The following RARB variants were observed in gnomAD, a reference collection of about 807,000 sequenced individuals.
RARB encodes the protein HBV-activated protein.
A neutral mutation model predicts 51.9 loss-of-function variants in RARB; 17 were observed. That is an observed-to-expected ratio of 0.33 (90% confidence interval 0.22 to 0.49). RARB has a LOEUF of 0.49. Ranked by LOEUF, RARB falls within the 20% of genes least tolerant of loss-of-function variation. The pLI, the probability that RARB is intolerant of heterozygous loss-of-function variation, is 0.99. For missense variants in RARB, 369 were observed against 550.8 expected, an observed-to-expected ratio of 0.67 and a Z score of 3.30; for synonymous variants, 215 against 195.4, an observed-to-expected ratio of 1.10 and a Z score of -0.84.
At position 25,553,328 on chromosome 3, in the gene RARB, A is replaced by C. The variant is rs1333043793; in HGVS notation, c.449-16430A>C. Reference sequence around the variant, plus strand: ...GCATACTCTTCACCACCCCTCAAGGAATGATTGACAGGGGAGCAGAGAACT... The same window carrying C: ...GCATACTCTTCACCACCCCTCAAGGCATGATTGACAGGGGAGCAGAGAACT... On this transcript the variant is annotated intron_variant, in intron 3 of 7. Transcript: ENST00000330688. Among the ~76,000 whole-genome samples, 3 of 152,180 alleles carry C rather than the reference A, an allele frequency of 2.0e-5. No individual in the cohort carries two copies. In the East Asian group the frequency reaches 5.8e-4, roughly 29 times the overall value.
At chr3:25,550,817 C>T (rs1335242487) in intron 3 of RARB, among the ~76,000 whole-genome samples, 1 of 152,154 alleles carries the variant, frequency 6.6e-6, no homozygotes, top group African/African-American at 2.4e-5. Context: ...TCAGCTCCCA[C>T]TTATAAGTGA....
At chr3:25,030,922 GTC>G (rs1697860451) in intron 2 of RARB, among the ~76,000 whole-genome samples, 1 of 152,166 alleles carries the variant, frequency 6.6e-6, no homozygotes, top group African/African-American at 2.4e-5. Context: ...AGCAGAGTCA[GTC>G]TCTGAATATT....
At chr3:25,302,109 C>T (rs1704054831) in intron 5 of RARB, among the ~76,000 whole-genome samples, 1 of 152,172 alleles carries the variant, frequency 6.6e-6, no homozygotes, top group African/African-American at 2.4e-5. Context: ...ATGACTAAAA[C>T]CAAAAAGTCA....
At chr3:25,579,808 C>G (rs1426198520) in intron 4 of RARB, among the ~76,000 whole-genome samples, 2 of 152,184 alleles carry the variant, frequency 1.3e-5, no homozygotes, top group East Asian at 3.9e-4. Context: ...TATCTAGAGT[C>G]TCAGTCAGAT....
chr3:25,221,604 A>G (rs1257952583), intron 5 of RARB, among the ~76,000 whole-genome samples: 2 of 151,942 alleles, frequency 1.3e-5, no homozygotes, highest in African/African-American at 4.8e-5. Context: ...CCTAAAAGTA[A>G]TCTGTCATTA....
intron 2 of RARB, among the ~76,000 whole-genome samples, chr3:25,471,708 A>G (rs376253048): frequency 1.2e-3 from 187 of 152,126 alleles, no homozygotes; most frequent in African/African-American, 4.3e-3. Context: ...GCTTGTGTAG[A>G]TGCTTACTTT....
intron 2 of RARB, among the ~76,000 whole-genome samples, chr3:24,994,028 G>A (rs1334366441): frequency 6.6e-6 from 1 of 152,140 alleles, no homozygotes; most frequent in Non-Finnish European, 1.5e-5. Flanking sequence ...CCCAGTAGTG[G>A]AATTGCTGGG....
chr3:24,967,724 G>T (rs945406534), intron 2 of RARB, among the ~76,000 whole-genome samples: 6 of 152,054 alleles, frequency 3.9e-5, no homozygotes, highest in Admixed American at 6.6e-5. Context: ...TTAATAATTT[G>T]GATTCATCAT....
At chr3:25,174,453 A>C in exon 5 of RARB, 3 of 1,352,074 alleles carry the variant, frequency 2.2e-6, no homozygotes, top group Non-Finnish European at 2.9e-6. Context: ...CACATGACTC[A>C]CTATCCAGCC....
chr3:25,078,759 G>A lies in RARB; in HGVS notation c.-328+18583G>A, dbSNP rs138011213. Among the ~76,000 whole-genome samples the A allele has an allele frequency of 3.0e-4, 45 of 152,212 alleles. No homozygotes were observed. In the East Asian group the frequency reaches 7.2e-3, roughly 24 times the overall value. ...TTGGTCAGGCTGGTCTCGAACTCCC[G>A]ACCTCAGGTGATCTGTCCGTCTTGG... On this transcript the variant is annotated intron_variant, in intron 3 of 11. Coordinates refer to the RARB transcript ENST00000383772.
At chr3:25,032,265 G>A (rs981536770) in intron 2 of RARB, among the ~76,000 whole-genome samples, 1 of 152,194 alleles carries the variant, frequency 6.6e-6, no homozygotes, top group Non-Finnish European at 1.5e-5. Flanking sequence ...GTCACGGGCT[G>A]CATAATGGAA....
At chr3:25,328,815 A>G (rs1439785208) in intron 5 of RARB, among the ~76,000 whole-genome samples, 1 of 152,188 alleles carries the variant, frequency 6.6e-6, no homozygotes, top group Non-Finnish European at 1.5e-5. Context: ...AAATTAGGAC[A>G]CTGCCACCCT....
At chr3:25,307,318 C>T (rs147771259) in intron 5 of RARB, among the ~76,000 whole-genome samples, 40 of 151,548 alleles carry the variant, frequency 2.6e-4, no homozygotes, top group Non-Finnish European at 4.9e-4. Context: ...ACCTAGGAGG[C>T]GGAGGTTGCA....
At chr3:25,254,738 T>C (rs548332424) in intron 5 of RARB, among the ~76,000 whole-genome samples, 76 of 151,952 alleles carry the variant, frequency 5.0e-4, no homozygotes, top group Non-Finnish European at 9.0e-4. Flanking sequence ...AAAAACTGGG[T>C]CCAAAGGGGG....
chr3:25,517,472 T>C (rs1698217559), intron 3 of RARB, among the ~76,000 whole-genome samples: 1 of 152,208 alleles, frequency 6.6e-6, no homozygotes, highest in Admixed American at 6.5e-5. Context: ...AAGAGGGCTG[T>C]AATAAGAAAG....
rs559808418 is a variant in RARB at position 25,433,549 on chromosome 3, T to C, written c.157+4661T>C. On this transcript the variant is annotated intron_variant, in intron 1 of 7. Coordinates refer to ENST00000330688, the MANE Select transcript of RARB (RefSeq NM_000965.5). ...AGGAGGGAGTAGAATTAAATTAAAT[T>C]GTTATGAACAAATCTGTATCAGCCC... Among the ~76,000 whole-genome samples the C allele has an allele frequency of 2.6e-4, 39 of 152,290 alleles. No individual in the cohort carries two copies. The South Asian group carries it at 6.8e-3, about 27-fold the overall frequency.
chr3:24,981,979 G>C (rs1021443185), intron 2 of RARB, among the ~76,000 whole-genome samples: 1 of 152,200 alleles, frequency 6.6e-6, no homozygotes, highest in Non-Finnish European at 1.5e-5. Context: ...TAGCTACTGT[G>C]ACCTTAAGAC....
At chr3:25,187,136 G>T (rs997515043) in intron 5 of RARB, among the ~76,000 whole-genome samples, 8 of 151,946 alleles carry the variant, frequency 5.3e-5, no homozygotes, top group Non-Finnish European at 1.2e-4. Flanking sequence ...CTCAAATGAG[G>T]GTCTTATGAC....
chr3:24,861,020 C>T lies in RARB; in HGVS notation c.-380+2268C>T, dbSNP rs183850389. ...TTGATGCATTTCTCAGAAGGTATCCCCATCATTAAGGGATACATGACTGTC... is the reference window on the plus strand; with the variant it reads ...TTGATGCATTTCTCAGAAGGTATCCTCATCATTAAGGGATACATGACTGTC... On this transcript the variant is annotated intron_variant, in intron 2 of 11. Transcript: ENST00000383772. 2.0e-3 allele frequency among the ~76,000 whole-genome samples: 301 copies of T among 152,170 alleles called. 3 individuals are homozygous for T. In the South Asian group the frequency reaches 0.028, roughly 14 times the overall value.
Sources: allele counts gnomAD v4.1 joint callset (sites outside exome capture counted in the v4.1 genomes callset), GRCh38; gene constraint gnomAD v4.1.1; transcripts MANE v1.5; gene names NCBI Gene and HGNC (gene_info 2026-07-23, HGNC 2026-07-21).